Variants in PMFBP1 observed in about 807,000 individuals in gnomAD.
PMFBP1 encodes polyamine-modulated factor 1-binding protein 1.
PMFBP1 carries 131 observed loss-of-function variants against 137.8 expected under a neutral mutation model. The observed-to-expected ratio is 0.95, with a 90% CI of 0.82 to 1.10. The LOEUF (loss-of-function observed/expected upper bound fraction) is 1.10. Ranked by LOEUF, PMFBP1 falls within the 50% of genes least tolerant of loss-of-function variation. The probability of loss-of-function intolerance (pLI) is 0.00; values close to 1 mark genes in which losing one functional copy is unlikely to be tolerated. For synonymous variants in PMFBP1, 490 were observed against 450.4 expected, an observed-to-expected ratio of 1.09 and a Z score of -1.11; for missense variants, 1,199 against 1,175.4, an observed-to-expected ratio of 1.02 and a Z score of -0.29.
chr16:72,149,111 A>G (rs995684881), intron 5 of PMFBP1, among the ~76,000 whole-genome samples: 1 of 152,102 alleles, frequency 6.6e-6, no homozygotes, highest in Non-Finnish European at 1.5e-5. Flanking sequence ...TCTCCCTAAA[A>G]ACGTCCTGCA....
At chr16:72,119,760 A>G (rs765864367) in intron 20 of PMFBP1, 91 bp downstream of exon 20, 1 of 1,547,690 alleles carries the variant, frequency 6.5e-7, no homozygotes, top group Admixed American at 2.0e-5. Flanking sequence ...GAGGCCACAA[A>G]AGGCCTATTT....
chr16:72,125,382 TG>T lies in PMFBP1; in HGVS notation c.2276del (p.Thr759LysfsTer8). ...LEKLNHVTSE[T>X]KSLQQSLTQT... ...GTGTCAAGCTTTGCTGCAGGCTCTT[TG>T]TCTCTGAGGTCACGTGATTGAGCTT... On this transcript the variant is annotated frameshift_variant, in exon 16 of 21. Transcript: ENST00000237353. LOFTEE classifies it high-confidence loss of function. The T allele has an allele frequency of 6.2e-7, 1 of 1,612,172 alleles. No individual in the cohort carries two copies. The highest frequency in any genetic ancestry group is 1.1e-5 in the South Asian group (1 of 90,738).
At position 72,140,425 on chromosome 16, in the gene PMFBP1, C is replaced by T. The variant is rs1181370069; in HGVS notation, c.794G>A (p.Cys265Tyr). 2 of 1,613,854 alleles carry T rather than the reference C, an allele frequency of 1.2e-6. No individual in the cohort carries two copies. The highest frequency in any genetic ancestry group is 1.7e-6 in the Non-Finnish European group (2 of 1,179,760). The part of the protein sequence containing the change: ...LIQELRNKLA[C>Y]SNALVLEREK... ...GAAGGCACTTACCAAAGCGTTACTG[C>T]AGGCCAGCTTATTTCGAAGTTCTTG... Residue 265 changes from cysteine (C) to tyrosine (Y), a missense_variant, in exon 6 of 21, where the codon TGC (cysteine) becomes TAC (tyrosine). Physicochemically the swap from Cys to Tyr is radical, Grantham distance 194 (BLOSUM62 -2). Coordinates refer to ENST00000237353, the MANE Select transcript of PMFBP1 (RefSeq NM_031293.3).
rs747616781 is a variant in PMFBP1 at position 72,132,954 on chromosome 16, T to A, written c.1241A>T (p.Glu414Val). The A allele has an allele frequency of 5.1e-5, 82 of 1,614,046 alleles. 1 individual carries two copies. The Admixed American group carries it at 1.4e-3, about 27-fold the overall frequency. Residue 414 changes from glutamate to valine, a missense_variant, in exon 10 of 21, where the codon GAG becomes GTG. Physicochemically the swap from Glu to Val is moderately radical, Grantham distance 121. Coordinates refer to ENST00000237353, the MANE Select transcript of PMFBP1 (RefSeq NM_031293.3). ...GTTCTGAACCTGTGTCAGTTTCTTCTCCAGCTCTTGCAGCATCTCATCTTT... is the reference window on the plus strand; with the variant it reads ...GTTCTGAACCTGTGTCAGTTTCTTCACCAGCTCTTGCAGCATCTCATCTTT... Reference protein sequence around the residue: ...QEKDEMLQELEKKLTQVQNSL... With the variant: ...QEKDEMLQELVKKLTQVQNSL...
intron 2 of PMFBP1, among the ~76,000 whole-genome samples, chr16:72,165,744 T>C (rs1018840667): frequency 6.6e-6 from 1 of 152,184 alleles, no homozygotes; most frequent in Non-Finnish European, 1.5e-5. Flanking sequence ...TTAGAGGCAT[T>C]CACAATGGGA....
chr16:72,146,194 T>C (rs2042803884), intron 5 of PMFBP1, among the ~76,000 whole-genome samples: 1 of 152,316 alleles, frequency 6.6e-6, no homozygotes, highest in Admixed American at 6.5e-5. Flanking sequence ...GTCGGCTTCA[T>C]CTTTGGGATG....
chr16:72,138,247 A>G (rs993630003), intron 7 of PMFBP1, among the ~76,000 whole-genome samples: 18 of 152,330 alleles, frequency 1.2e-4, no homozygotes, highest in African/African-American at 4.3e-4. Flanking sequence ...CTGGGATTGG[A>G]AAGTCCTGGA....
chr16:72,164,887 G>C lies in PMFBP1; in HGVS notation c.42C>G (p.Ser14Arg). Residue 14 changes from serine to arginine, a missense_variant, in exon 3 of 21, where the codon AGC becomes AGG. Physicochemically the swap from Ser to Arg is moderately radical, Grantham distance 110. Coordinates refer to ENST00000237353, the MANE Select transcript of PMFBP1 (RefSeq NM_031293.3). ...GCAGGCTTAACAGCTTGCTGTTCAG[G>C]CTGCTCACTTCTCTGTCTCTCTCCC... Reference protein sequence around the residue: ...EAGERDREVSSLNSKLLSLQL... With the variant: ...EAGERDREVSRLNSKLLSLQL... The C allele has an allele frequency of 6.2e-7, 1 of 1,602,220 alleles. No individual in the cohort carries two copies. The highest frequency in any genetic ancestry group is 8.5e-7 in the Non-Finnish European group (1 of 1,170,320).
chr16:72,241,595 G>A, the PMFBP1 span, among the ~76,000 whole-genome samples: 2 of 152,082 alleles, frequency 1.3e-5, no homozygotes, highest in African/African-American at 4.8e-5. Context: ...TCTACTTCAT[G>A]GGGGTGGGTT....
chr16:72,148,202 G>C (rs2042843007), intron 5 of PMFBP1, among the ~76,000 whole-genome samples: 1 of 152,138 alleles, frequency 6.6e-6, no homozygotes, highest in Non-Finnish European at 1.5e-5. Context: ...AAAAAAGGAT[G>C]AGTTCATGTC....
At chr16:72,239,475 C>T in the PMFBP1 span, among the ~76,000 whole-genome samples, 2 of 152,068 alleles carry the variant, frequency 1.3e-5, no homozygotes, top group East Asian at 1.9e-4. Context: ...TCTTTTTTAC[C>T]GTTTAATTCC....
chr16:72,240,377 G>A, the PMFBP1 span, among the ~76,000 whole-genome samples: 1 of 152,172 alleles, frequency 6.6e-6, no homozygotes, highest in African/African-American at 2.4e-5. Flanking sequence ...TGTGATTTTT[G>A]CAAGCAGCGC....
At chr16:72,175,933 A>C (rs982700816), upstream of PMFBP1, among the ~76,000 whole-genome samples, 2 of 152,342 alleles carry the variant, frequency 1.3e-5, no homozygotes, top group African/African-American at 4.8e-5. Context: ...ATTGGAGCCA[A>C]TGTGCAGAGG....
At chr16:72,144,007 C>T (rs1301660156) in intron 5 of PMFBP1, among the ~76,000 whole-genome samples, 1 of 151,978 alleles carries the variant, frequency 6.6e-6, no homozygotes, top group Non-Finnish European at 1.5e-5. Flanking sequence ...CACCATTGCA[C>T]TCCAGCCTGG....
the PMFBP1 span, among the ~76,000 whole-genome samples, chr16:72,209,412 T>C: frequency 4.6e-5 from 7 of 152,274 alleles, no homozygotes; most frequent in African/African-American, 1.7e-4. Context: ...TTTCAGTTAT[T>C]ATATATTGTT....
chr16:72,123,106 C>G, intron 18 of PMFBP1, 118 bp from the exon 19 acceptor site: 1 of 845,224 alleles, frequency 1.2e-6, no homozygotes. Context: ...TCCCACGTCC[C>G]CCACGCATCA....
chr16:72,133,073 T>A, intron 9 of PMFBP1, 82 bp from the exon 10 acceptor site: 1 of 1,514,488 alleles, frequency 6.6e-7, no homozygotes, highest in South Asian at 1.3e-5. Flanking sequence ...CAAGCCCTCA[T>A]CCAAGCCACT....
the PMFBP1 span, among the ~76,000 whole-genome samples, chr16:72,188,782 C>T: frequency 1.3e-5 from 2 of 151,546 alleles, no homozygotes; most frequent in Non-Finnish European, 2.9e-5. Context: ...CGCCAAAATA[C>T]TTCCCAAGGA....
chr16:72,189,303 C>T, the PMFBP1 span, among the ~76,000 whole-genome samples: 48 of 152,274 alleles, frequency 3.2e-4, no homozygotes, highest in South Asian at 6.2e-4. Flanking sequence ...GAGTCCATGC[C>T]CTCAGCCACC....
Sources: gnomAD v4.1 joint callset for allele counts (sites outside exome capture counted in the v4.1 genomes callset) on GRCh38, gnomAD v4.1.1 for gene constraint, MANE v1.5 for transcripts, NCBI Gene and HGNC (gene_info 2026-07-23, HGNC 2026-07-21) for gene names.